SLC22A4: variants seen among roughly 807,000 people sequenced by gnomAD.
SLC22A4 encodes ET transporter.
SLC22A4 carries 39 observed loss-of-function variants against 56.6 expected under a neutral mutation model. The ratio of observed to expected loss-of-function variants is 0.69; its 90% CI spans 0.53 to 0.90. The LOEUF is 0.90. Ranked by LOEUF, SLC22A4 falls within the 40% of genes least tolerant of loss-of-function variation. The probability of loss-of-function intolerance (pLI) is 0.00; values close to 1 mark genes in which losing one functional copy is unlikely to be tolerated. For missense variants in SLC22A4, 594 were observed against 696.5 expected (o/e 0.85, Z 1.66); for synonymous variants, 241 against 281.4 (o/e 0.86, Z 1.44).
chr5:132,320,109 A>T (rs1750485420), intron 3 of SLC22A4, among the ~76,000 whole-genome samples: 1 of 152,212 alleles, frequency 6.6e-6, no homozygotes, highest in Non-Finnish European at 1.5e-5. Flanking sequence ...ACAGGAAGGC[A>T]AAGAGAGAGA....
At chr5:132,309,124 G>A (rs1240543337) in intron 1 of SLC22A4, among the ~76,000 whole-genome samples, 8 of 152,166 alleles carry the variant, frequency 5.3e-5, no homozygotes, top group Non-Finnish European at 7.4e-5. Flanking sequence ...AGGCAGGGCC[G>A]GTTTCCTAAG....
At chr5:132,317,071 A>G (rs963736548) in intron 3 of SLC22A4, among the ~76,000 whole-genome samples, 1 of 152,202 alleles carries the variant, frequency 6.6e-6, no homozygotes, top group Non-Finnish European at 1.5e-5. Flanking sequence ...AAAGAGGGAA[A>G]GCAAGAAAGA....
intron 1 of SLC22A4, among the ~76,000 whole-genome samples, chr5:132,309,842 C>A (rs1750138638): frequency 6.6e-6 from 1 of 152,274 alleles, no homozygotes. Flanking sequence ...GCCTTCCATT[C>A]CTTTCTATCT....
At chr5:132,342,220 A>G (rs1190934836) in intron 9 of SLC22A4, among the ~76,000 whole-genome samples, 2 of 152,222 alleles carry the variant, frequency 1.3e-5, no homozygotes, top group Non-Finnish European at 2.9e-5. Context: ...CCTAAACATA[A>G]GGCTAATATA....
At chr5:132,338,640 A>G (rs1236478028) in intron 8 of SLC22A4, among the ~76,000 whole-genome samples, 1 of 152,176 alleles carries the variant, frequency 6.6e-6, no homozygotes, top group Admixed American at 6.5e-5. Context: ...TGTCTTTCTC[A>G]GGGATGTTCC....
intron 1 of SLC22A4, chr5:132,295,585 G>C (rs1749762159): frequency 3.4e-6 from 1 of 294,004 alleles, no homozygotes; most frequent in Non-Finnish European, 6.7e-6. Flanking sequence ...AACCCCAGCT[G>C]GAAGCCCTGG....
intron 1 of SLC22A4, chr5:132,295,303 G>C: frequency 1.6e-6 from 1 of 622,822 alleles, no homozygotes; most frequent in Non-Finnish European, 3.1e-6. Flanking sequence ...TAGATGTTGC[G>C]TTGGGGGAAG....
chr5:132,304,230 T>G (rs1258948133), intron 1 of SLC22A4, among the ~76,000 whole-genome samples: 3 of 152,212 alleles, frequency 2.0e-5, no homozygotes, highest in Non-Finnish European at 4.4e-5. Context: ...GGACAATATA[T>G]GCCCCCAGGG....
intron 5 of SLC22A4, among the ~76,000 whole-genome samples, chr5:132,328,893 G>A (rs1161742972): frequency 1.1e-4 from 11 of 102,136 alleles, no homozygotes; most frequent in Non-Finnish European, 2.1e-4. Flanking sequence ...GTATATATAT[G>A]TGTGTATGTG....
intron 1 of SLC22A4, among the ~76,000 whole-genome samples, chr5:132,311,038 T>C (rs1750166792): frequency 6.6e-6 from 1 of 152,246 alleles, no homozygotes; most frequent in African/African-American, 2.4e-5. Context: ...CTTGTGTGTG[T>C]CTTTATAAAC....
intron 1 of SLC22A4, among the ~76,000 whole-genome samples, chr5:132,296,664 C>T (rs751419025): frequency 1.2e-4 from 19 of 152,226 alleles, no homozygotes; most frequent in Non-Finnish European, 1.5e-4. Context: ...CTAGTGCTTG[C>T]CCACTCCCTG....
intron 4 of SLC22A4, among the ~76,000 whole-genome samples, chr5:132,323,940 C>T (rs1750610710): frequency 6.6e-6 from 1 of 152,176 alleles, no homozygotes; most frequent in South Asian, 2.1e-4. Context: ...CACCTGTAAT[C>T]CCAGCACTTT....
At chr5:132,303,475 G>A (rs1749953179) in intron 1 of SLC22A4, among the ~76,000 whole-genome samples, 1 of 152,006 alleles carries the variant, frequency 6.6e-6, no homozygotes, top group African/African-American at 2.4e-5. Context: ...TCCACTCTAG[G>A]TGGGTATGGC....
chr5:132,311,759 G>A, intron 1 of SLC22A4: 1 of 280,672 alleles, frequency 3.6e-6, no homozygotes, highest in Non-Finnish European at 7.0e-6. Context: ...CTGCCCTTTG[G>A]GCTTTTCAAA....
intron 9 of SLC22A4, 59 bp from the exon 10 acceptor site, chr5:132,343,701 C>T: frequency 4.9e-6 from 5 of 1,020,284 alleles, no homozygotes; most frequent in South Asian, 4.0e-5. Flanking sequence ...TTGGATGGAG[C>T]ATTTTGAGGA....
chr5:132,337,427 G>A (rs982361554), intron 8 of SLC22A4, among the ~76,000 whole-genome samples: 8 of 150,928 alleles, frequency 5.3e-5, no homozygotes, highest in Non-Finnish European at 7.4e-5. Context: ...CATGCACACC[G>A]TCAAGCCCAG....
intron 1 of SLC22A4, among the ~76,000 whole-genome samples, chr5:132,305,337 G>GGA (rs374754514): frequency 6.6e-6 from 1 of 152,034 alleles, no homozygotes; most frequent in South Asian, 2.1e-4. Context: ...TACTAGGAGA[G>GGA]GAGAGAGAGA....
In SLC22A4 at chr5:132,306,693, G is replaced by A. The variant is rs185005966; in HGVS notation, c.394-5468G>A. Reference sequence around the variant, plus strand: ...ACTCCTGACCTCAGGTGACCCACCCGCCTCGGCCTCCCAAAGTGCTGGGAT... The same window carrying A: ...ACTCCTGACCTCAGGTGACCCACCCACCTCGGCCTCCCAAAGTGCTGGGAT... On this transcript the variant is annotated intron_variant, in intron 1 of 9. Coordinates refer to ENST00000200652, the MANE Select transcript of SLC22A4 (RefSeq NM_003059.3). Among the ~76,000 whole-genome samples the A allele has an allele frequency of 3.0e-3, 457 of 151,592 alleles. 3 individuals are homozygous for A. Among genetic ancestry groups the A allele is most frequent in the African/African-American group, 0.011 (442 of 41,304 alleles).
chr5:132,312,016 G>A, intron 1 of SLC22A4, 145 bp from the exon 2 acceptor site: 2 of 756,280 alleles, frequency 2.6e-6, no homozygotes, highest in Non-Finnish European at 4.9e-6. Flanking sequence ...GGGCTGCAAG[G>A]CCTATGCCCT....
Sources: allele counts gnomAD v4.1 joint callset (sites outside exome capture counted in the v4.1 genomes callset), GRCh38; gene constraint gnomAD v4.1.1; transcripts MANE v1.5; gene names NCBI Gene and HGNC (gene_info 2026-07-23, HGNC 2026-07-21).